Variants in BIRC6 observed in about 807,000 individuals in gnomAD.
BIRC6 encodes the protein dual E2 ubiquitin-conjugating enzyme/E3 ubiquitin-protein ligase BIRC6.
Under a neutral mutation model 503.3 loss-of-function variants are expected in BIRC6, and 98 were observed. The ratio of observed to expected loss-of-function variants is 0.19; its 90% CI spans 0.17 to 0.23. The LOEUF (loss-of-function observed/expected upper bound fraction) is 0.23, where lower values mean the gene tolerates loss of function less well. Among genes scored for constraint, BIRC6 ranks in the 10% least tolerant of loss-of-function variants. The probability of loss-of-function intolerance (pLI) is 1.00; values close to 1 mark genes in which losing one functional copy is unlikely to be tolerated. For missense variants in BIRC6, 5,360 were observed against 5,806.0 expected (o/e 0.92, Z 2.50); for synonymous variants, 2,240 against 2,078.7 (o/e 1.08, Z -2.11).
At chr2:32,507,834 C>T in intron 50 of BIRC6, 146 bp from the exon 51 acceptor site, 1 of 685,460 alleles carries the variant, frequency 1.5e-6, no homozygotes, top group Non-Finnish European at 2.3e-6. Flanking sequence ...AAGTCATTGT[C>T]AAACTATATT....
At chr2:32,585,273 A>G (rs184874370) in intron 66 of BIRC6, among the ~76,000 whole-genome samples, 2 of 152,328 alleles carry the variant, frequency 1.3e-5, no homozygotes, top group African/African-American at 2.4e-5. Flanking sequence ...GTGAAAATCA[A>G]TTTTAGAAAT....
chr2:32,391,924 G>C, intron 4 of BIRC6, 115 bp from the exon 5 acceptor site: 1 of 655,698 alleles, frequency 1.5e-6, no homozygotes, highest in Non-Finnish European at 2.5e-6. Flanking sequence ...TTGTTCATCA[G>C]ACCATTTGCA....
intron 65 of BIRC6, among the ~76,000 whole-genome samples, chr2:32,551,942 C>G (rs974491309): frequency 6.6e-6 from 1 of 152,012 alleles, no homozygotes; most frequent in Non-Finnish European, 1.5e-5. Flanking sequence ...ACATTGTATT[C>G]AAGGGATGAT....
chr2:32,445,475 G>A, intron 20 of BIRC6, 46 bp from the exon 21 acceptor site: 1 of 1,449,470 alleles, frequency 6.9e-7, no homozygotes. Flanking sequence ...ATTGTTAGAG[G>A]AAAAGGAGGA....
chr2:32,371,455 A>T (rs995856214), intron 1 of BIRC6, among the ~76,000 whole-genome samples: 1 of 151,096 alleles, frequency 6.6e-6, no homozygotes, highest in African/African-American at 2.4e-5. Flanking sequence ...GCTCACTGCA[A>T]CCTCTGCCTT....
At position 32,415,029 on chromosome 2, in the gene BIRC6, A is replaced by C; in HGVS notation, c.1738A>C (p.Thr580Pro). Residue 580 changes from threonine to proline, a missense_variant, in exon 10 of 74, where the codon ACC (threonine) becomes CCC (proline). Around this residue, in one of 16 missense-constraint regions of BIRC6, gnomAD observed 700 missense variants for 739.3 expected, o/e 0.95. Transcript: ENST00000421745. ...TTTATTAACATATAAATCTCCTGCT[A>C]CCTCACCCATTAGTAGTAATTCTCA... ...GGLLTYKSPA[T>P]SPISSNSHRS... is the part of the protein sequence containing the mutation. 1 of 1,613,912 alleles carries C rather than the reference A, an allele frequency of 6.2e-7. No homozygotes were observed. The highest frequency in any genetic ancestry group is 1.7e-5 in the Admixed American group (1 of 60,018).
intron 10 of BIRC6, among the ~76,000 whole-genome samples, chr2:32,428,440 A>G (rs991188437): frequency 6.6e-6 from 1 of 152,216 alleles, no homozygotes; most frequent in African/African-American, 2.4e-5. Context: ...CCATCAATCA[A>G]GTCCCATCTG....
At position 32,430,874 on chromosome 2, in the gene BIRC6, T is replaced by C. The variant is rs1300448860; in HGVS notation, c.3032T>C (p.Leu1011Ser). The change falls in exon 12 of 74, where the codon TTA becomes TCA. Residue 1011 changes from leucine (L) to serine (S), a missense_variant. By Grantham distance (145) the Leu-to-Ser change is moderately radical. Transcript: ENST00000421745. ...PSSPGISGVD[L>S]LVDQPFTLEI... ...TCTCACTAATGTTAAGGAGTTGATT[T>C]ATTGGTGGACCAGCCATTCACCCTT... The C allele has an allele frequency of 6.2e-7, 1 of 1,610,434 alleles. No homozygotes were observed. Among genetic ancestry groups the C allele is most frequent in the Admixed American group, 1.7e-5 (1 of 59,900 alleles).
At chr2:32,455,253 G>T (rs1224842728) in intron 23 of BIRC6, among the ~76,000 whole-genome samples, 2 of 151,854 alleles carry the variant, frequency 1.3e-5, no homozygotes, top group East Asian at 3.9e-4. Flanking sequence ...TGGTGGTGGT[G>T]CCTGTAGTCC....
At chr2:32,560,577 T>C (rs1192160092) in intron 65 of BIRC6, among the ~76,000 whole-genome samples, 1 of 152,190 alleles carries the variant, frequency 6.6e-6, no homozygotes, top group Non-Finnish European at 1.5e-5. Flanking sequence ...AATGTAACTA[T>C]ATATTTTTTC....
chr2:32,524,897 G>A lies in BIRC6; in HGVS notation c.11633G>A (p.Ser3878Asn). 1 of 1,471,302 alleles carries A rather than the reference G, an allele frequency of 6.8e-7. No homozygotes were observed. The highest frequency in any genetic ancestry group is 9.1e-7 in the Non-Finnish European group (1 of 1,098,024). 91.1% of individuals were successfully genotyped at this position (1,471,302 alleles called of 1,614,324 possible). Reference sequence around the variant, plus strand: ...TAATATCTTCTTACAGATACTCCAAGTATCACAGCTAAATTAATTAGTGAA... The same window carrying A: ...TAATATCTTCTTACAGATACTCCAAATATCACAGCTAAATTAATTAGTGAA... ...DVLDRVSDTP[S>N]ITAKLISEQK... is the part of the protein sequence containing the mutation. The change falls in exon 58 of 74, where the codon AGT (serine) becomes AAT (asparagine). Residue 3878 changes from serine to asparagine, a missense_variant. Ser to Asn is a conservative substitution (Grantham distance 46). Transcript: ENST00000421745.
intron 1 of BIRC6, among the ~76,000 whole-genome samples, chr2:32,370,270 T>A (rs890512496): frequency 5.3e-5 from 8 of 151,354 alleles, no homozygotes; most frequent in Admixed American, 4.0e-4. Context: ...TCGTGGTGAT[T>A]ATATTTTCAA....
intron 66 of BIRC6, among the ~76,000 whole-genome samples, chr2:32,578,520 G>T (rs1207723705): frequency 1.3e-5 from 2 of 152,134 alleles, no homozygotes; most frequent in Admixed American, 6.6e-5. Flanking sequence ...TCACGGCCGG[G>T]TGCAGTGGCT....
intron 13 of BIRC6, among the ~76,000 whole-genome samples, chr2:32,434,237 A>G (rs1379933158): frequency 6.6e-6 from 1 of 152,196 alleles, no homozygotes; most frequent in African/African-American, 2.4e-5. Context: ...AATTTGTTGC[A>G]TTGAGTTATT....
intron 65 of BIRC6, among the ~76,000 whole-genome samples, chr2:32,550,591 C>T (rs1221147716): frequency 6.6e-6 from 1 of 151,738 alleles, no homozygotes; most frequent in East Asian, 1.9e-4. Flanking sequence ...GAATAGGGTG[C>T]GATAGGTTTC....
intron 29 of BIRC6, among the ~76,000 whole-genome samples, 192 bp downstream of exon 29, chr2:32,468,975 G>A (rs1014322564): frequency 6.6e-6 from 1 of 152,144 alleles, no homozygotes; most frequent in Non-Finnish European, 1.5e-5. Flanking sequence ...ATGAAGTTGT[G>A]TGTGTTTTTT....
At chr2:32,443,658 A>G (rs1048559900) in intron 20 of BIRC6, 70 bp downstream of exon 20, 3 of 1,164,198 alleles carry the variant, frequency 2.6e-6, no homozygotes, top group Non-Finnish European at 3.6e-6. Context: ...ACTTAGGATT[A>G]TTTCATAACT....
chr2:32,362,429 C>T (rs1028220478), intron 1 of BIRC6, among the ~76,000 whole-genome samples: 4 of 151,808 alleles, frequency 2.6e-5, no homozygotes, highest in African/African-American at 9.7e-5. Flanking sequence ...CATTTTCCTC[C>T]CTCAGCCTCC....
chr2:32,601,353 G>A (rs907606878), intron 70 of BIRC6, among the ~76,000 whole-genome samples: 19 of 152,052 alleles, frequency 1.2e-4, no homozygotes, highest in African/African-American at 4.1e-4. Flanking sequence ...AGGCTGAGGC[G>A]GGTGGATCAC....
Sources: allele counts gnomAD v4.1 joint callset (sites outside exome capture counted in the v4.1 genomes callset), GRCh38; gene constraint gnomAD v4.1.1; regional missense constraint gnomAD v4.1.1; transcripts MANE v1.5; gene names NCBI Gene and HGNC (gene_info 2026-07-23, HGNC 2026-07-21).